SLFN12L: variants seen among roughly 807,000 people sequenced by gnomAD.
SLFN12L encodes the protein schlafen family member 12-like.
Under a neutral mutation model 34.8 loss-of-function variants are expected in SLFN12L, and 34 were observed. The ratio of observed to expected loss-of-function variants is 0.98; its 90% CI spans 0.74 to 1.30. SLFN12L has a LOEUF of 1.30. SLFN12L is among the 50% of genes most tolerant of loss of function. The pLI is 0.00. For missense variants in SLFN12L, 703 were observed against 696.2 expected (o/e 1.01, Z -0.11); for synonymous variants, 259 against 247.5 (o/e 1.05, Z -0.44).
intron 1 of SLFN12L, among the ~76,000 whole-genome samples, chr17:35,532,315 C>T (rs2072419206): frequency 6.6e-6 from 1 of 151,892 alleles, no homozygotes; most frequent in African/African-American, 2.4e-5. Context: ...TGGCACATGC[C>T]TCTTATGCCA....
Position 35,488,054 on chromosome 17 carries a change from A to G in SLFN12L, c.87-7859T>C, listed in dbSNP as rs185849241. 3.3e-3 allele frequency among the ~76,000 whole-genome samples: 505 copies of G among 152,258 alleles called. 5 individuals are homozygous for G. The highest frequency in any genetic ancestry group is 0.011 in the African/African-American group (463 of 41,560). On this transcript the variant is annotated intron_variant, in intron 2 of 4. Transcript: ENST00000628453. Reference sequence around the variant, plus strand: ...AAAACCCGTCTCTACTAAAAATACAAAAAAATTAGCCGGGCATGGTAGCGG... The same window carrying G: ...AAAACCCGTCTCTACTAAAAATACAGAAAAATTAGCCGGGCATGGTAGCGG...
intron 2 of SLFN12L, among the ~76,000 whole-genome samples, chr17:35,521,201 A>T (rs1037648431): frequency 2.0e-5 from 3 of 152,172 alleles, no homozygotes; most frequent in Admixed American, 1.3e-4. Flanking sequence ...GAAGCTAAGG[A>T]GACATAACTA....
chr17:35,522,131 A>G, intron 2 of SLFN12L, 148 bp downstream of exon 2: 3 of 1,074,032 alleles, frequency 2.8e-6, no homozygotes, highest in Non-Finnish European at 4.0e-6. Context: ...AAAAAAAGGT[A>G]GAAAAAATTA....
chr17:35,514,157 C>A (rs1915741014), intron 2 of SLFN12L, among the ~76,000 whole-genome samples: 1 of 152,176 alleles, frequency 6.6e-6, no homozygotes, highest in African/African-American at 2.4e-5. Flanking sequence ...CTGTTTGCAA[C>A]TACTTATATT....
At chr17:35,505,647 T>C (rs777451194) in intron 2 of SLFN12L, among the ~76,000 whole-genome samples, 6 of 152,084 alleles carry the variant, frequency 3.9e-5, no homozygotes, top group Non-Finnish European at 7.4e-5. Flanking sequence ...TGTAGAGGTA[T>C]TGGACTCCGT....
chr17:35,494,951 G>C (rs968234931), intron 2 of SLFN12L, among the ~76,000 whole-genome samples: 5 of 150,944 alleles, frequency 3.3e-5, no homozygotes, highest in South Asian at 2.1e-4. Flanking sequence ...TGTCACCCAG[G>C]CTGGAGTGCA....
In SLFN12L at chr17:35,530,463, AG is replaced by A. The variant is rs1353010380; in HGVS notation, c.-606+7109del. On this transcript the variant is annotated intron_variant, in intron 1 of 4. Coordinates refer to ENST00000628453, the MANE Select transcript of SLFN12L (RefSeq NM_001363830.2). The stretch of plus-strand genomic sequence containing the variant: ...AGGGAAGAAAGAAAGAAAGAAAGAA[AG>A]AAAGAAAGAAAGAAAGAAAGAAAGA... 3.7e-4 allele frequency among the ~76,000 whole-genome samples: 23 copies of A among 62,854 alleles called. 2 individuals are homozygous for A. The highest frequency in any genetic ancestry group is 1.0e-3 in the African/African-American group (21 of 20,956). 41.2% of individuals were successfully genotyped at this position (62,854 alleles called of 152,430 possible). A position where few individuals can be genotyped will look rare whatever the true frequency, so the allele number is the denominator to read the frequency against.
intron 1 of SLFN12L, among the ~76,000 whole-genome samples, chr17:35,534,136 G>T (rs1217164386): frequency 6.6e-6 from 1 of 152,158 alleles, no homozygotes; most frequent in South Asian, 2.1e-4. Context: ...GCCCTGGTGG[G>T]CAGATCATGA....
At chr17:35,499,111 T>TA in intron 2 of SLFN12L, 1 of 859,312 alleles carries the variant, frequency 1.2e-6, no homozygotes, top group South Asian at 1.3e-5. Flanking sequence ...TCCAGGAAGT[T>TA]AAAATCAGAG....
intron 1 of SLFN12L, among the ~76,000 whole-genome samples, chr17:35,530,729 C>T (rs184331586): frequency 1.2e-3 from 183 of 152,144 alleles, no homozygotes; most frequent in Admixed American, 2.0e-3. Context: ...TTGTGCAAAT[C>T]AATAAAACTT....
intron 2 of SLFN12L, among the ~76,000 whole-genome samples, chr17:35,517,800 G>A (rs1410540066): frequency 6.6e-6 from 1 of 152,158 alleles, no homozygotes; most frequent in Non-Finnish European, 1.5e-5. Context: ...AATGGGGAAA[G>A]GATTCCCTGT....
chr17:35,524,944 G>GAAGC (rs749691563), intron 1 of SLFN12L, among the ~76,000 whole-genome samples: 1 of 151,988 alleles, frequency 6.6e-6, no homozygotes, highest in Non-Finnish European at 1.5e-5. Flanking sequence ...CCAACACAGG[G>GAAGC]AAGCTAAGAA....
Position 35,474,810 on chromosome 17 carries a change from T to A in SLFN12L, c.*113A>T. 9.2e-7 allele frequency: 1 copy of A among 1,084,190 alleles called. No individual in the cohort carries two copies. The highest frequency in any genetic ancestry group is 1.3e-6 in the Non-Finnish European group (1 of 785,790). The allele number at this position is 1,084,190 out of a possible 1,614,324, so 67.2% of individuals were successfully genotyped here. On this transcript the variant is annotated 3_prime_UTR_variant, in exon 5 of 5. Transcript: ENST00000628453. ...AGCCAGGTGTGGTGGCAGGCACATG[T>A]AATCCCAGCTACTCGGGAGGCTGAG...
At chr17:35,495,010 A>G (rs1914995017) in intron 2 of SLFN12L, among the ~76,000 whole-genome samples, 1 of 151,732 alleles carries the variant, frequency 6.6e-6, no homozygotes. Context: ...GGCTCAGATG[A>G]TCCTGAGCCA....
chr17:35,495,898 GAAACACACAC>G, intron 2 of SLFN12L, among the ~76,000 whole-genome samples: 1 of 96,388 alleles, frequency 1.0e-5, no homozygotes, highest in East Asian at 2.9e-4. Flanking sequence ...AAGCCGATTT[GAAACACACAC>G]ACACACACAC....
intron 2 of SLFN12L, chr17:35,487,899 T>C: frequency 2.5e-6 from 2 of 786,940 alleles, no homozygotes; most frequent in Middle Eastern, 2.2e-4. Flanking sequence ...ACTCTGCGCC[T>C]TTGGAAACGG....
chr17:35,530,713 G>C (rs1430547923), intron 1 of SLFN12L, among the ~76,000 whole-genome samples: 3 of 151,986 alleles, frequency 2.0e-5, no homozygotes, highest in Non-Finnish European at 2.9e-5. Context: ...TTGTATTTGG[G>C]AGTGGTTGTG....
At chr17:35,481,620 C>T (rs1372419453) in intron 2 of SLFN12L, among the ~76,000 whole-genome samples, 7 of 152,236 alleles carry the variant, frequency 4.6e-5, no homozygotes, top group Admixed American at 2.6e-4. Flanking sequence ...TACCCTGCCC[C>T]GTTGTCTTGT....
rs1265227435 is a variant in SLFN12L, at chr17:35,469,315, AT to A, written c.*5607del. Among the ~76,000 whole-genome samples the A allele has an allele frequency of 7.6e-5, 10 of 132,400 alleles. No individual in the cohort carries two copies. Among genetic ancestry groups the A allele is most frequent in the East Asian group, 4.2e-4 (2 of 4,774 alleles). 86.9% of individuals were successfully genotyped at this position (132,400 alleles called of 152,430 possible). On this transcript the variant is annotated 3_prime_UTR_variant, in exon 5 of 5. Transcript: ENST00000628453. ...ATATATATATATAAAATATATATAT[AT>A]TATATATATAAATATATATATAATA...
Sources: allele counts gnomAD v4.1 joint callset (sites outside exome capture counted in the v4.1 genomes callset), GRCh38; gene constraint gnomAD v4.1.1; transcripts MANE v1.5; gene names NCBI Gene and HGNC (gene_info 2026-07-23, HGNC 2026-07-21).